NCAPD2: variants seen among roughly 807,000 people sequenced by gnomAD.
The protein encoded by NCAPD2 is non-SMC condensin I complex subunit D2.
A neutral mutation model predicts 164.5 loss-of-function variants in NCAPD2; 100 were observed. The observed-to-expected ratio is 0.61, with a 90% CI of 0.52 to 0.72. NCAPD2 has a LOEUF of 0.72. Ranked by LOEUF, NCAPD2 falls within the 30% of genes least tolerant of loss-of-function variation. NCAPD2 has a pLI of 0.00. For missense variants in NCAPD2, 1,560 were observed against 1,749.2 expected (o/e 0.89, Z 1.93); for synonymous variants, 585 against 642.6 (o/e 0.91, Z 1.36).
rs767039406 is a variant in NCAPD2, at chr12:6,530,832, C to T, written c.3964+15C>T. On this transcript the variant is annotated intron_variant, in intron 30 of 31. Coordinates refer to ENST00000315579, the MANE Select transcript of NCAPD2 (RefSeq NM_014865.4). The stretch of plus-strand genomic sequence containing the variant: ...ACCATCCACTGGTACGTAAGGCAGC[C>T]TGTGCGGGCGAGACCAGACTGGGCC... 6.2e-7 allele frequency: 1 copy of T among 1,614,172 alleles called. No homozygotes were observed.
chr12:6,514,820 G>A lies in NCAPD2; in HGVS notation c.887G>A (p.Gly296Glu). ...CAAGAGCTGAGTCGAGACCCTTCAG[G>A]GACAAAGGGCTTTGCAGCATTCCTG... ...CPQELSRDPS[G>E]TKGFAAFLTE... Residue 296 changes from glycine (G) to glutamate (E), a missense_variant, in exon 9 of 32, where the codon GGG (glycine) becomes GAG (glutamate). Transcript: ENST00000315579. 1.2e-6 allele frequency: 2 copies of A among 1,614,186 alleles called. No homozygotes were observed. The highest frequency in any genetic ancestry group is 1.7e-6 in the Non-Finnish European group (2 of 1,180,028).
At chr12:6,513,715 C>CTTTTTTTTTTTTGTT (rs1946172327) in intron 6 of NCAPD2, among the ~76,000 whole-genome samples, 1 of 74,894 alleles carries the variant, frequency 1.3e-5, no homozygotes, top group Non-Finnish European at 2.5e-5. Context: ...GTGACTTTGT[C>CTTTTTTTTTTTTGTT]TTTTTTTTTT....
rs112784312 is a variant in NCAPD2, at chr12:6,528,072, G to A, written c.3124G>A (p.Gly1042Ser). 1.9e-6 allele frequency: 3 copies of A among 1,614,192 alleles called. No homozygotes were observed. The highest frequency in any genetic ancestry group is 1.6e-4 in the Middle Eastern group (1 of 6,062). ...DLSAAASLAL[G>S]KFCMISATFC... ...CTCTGCAGCTGCTTCACTTGCCCTTGGCAAGTTCTGCATGATCAGGTAGGC... is the reference window on the plus strand; with the variant it reads ...CTCTGCAGCTGCTTCACTTGCCCTTAGCAAGTTCTGCATGATCAGGTAGGC... Residue 1042 changes from glycine to serine, a missense_variant, in exon 24 of 32, where the codon GGC becomes AGC. By Grantham distance (56) the Gly-to-Ser change is moderately conservative. Coordinates refer to ENST00000315579, the MANE Select transcript of NCAPD2 (RefSeq NM_014865.4). This position sits in a 1 kb window ranked among gnomAD's most constrained non-coding sequence, Gnocchi z 5.1.
intron 2 of NCAPD2, among the ~76,000 whole-genome samples, chr12:6,498,841 G>C (rs891563169): frequency 6.6e-6 from 1 of 151,852 alleles, no homozygotes; most frequent in Admixed American, 6.6e-5. Context: ...TCCTGACCTT[G>C]GATCTGCCCA....
intron 2 of NCAPD2, among the ~76,000 whole-genome samples, chr12:6,499,171 C>T (rs184356021): frequency 6.6e-6 from 1 of 152,058 alleles, no homozygotes; most frequent in Non-Finnish European, 1.5e-5. Context: ...ACACAACCTA[C>T]AATTTATGAA....
chr12:6,514,129 T>C, intron 6 of NCAPD2, 136 bp from the exon 7 acceptor site: 1 of 1,231,938 alleles, frequency 8.1e-7, no homozygotes, highest in Non-Finnish European at 1.1e-6. Flanking sequence ...GCAAAGCAAC[T>C]TGTTATAGAA....
At chr12:6,498,145 G>A (rs950163481) in intron 2 of NCAPD2, among the ~76,000 whole-genome samples, 1 of 151,550 alleles carries the variant, frequency 6.6e-6, no homozygotes, top group Non-Finnish European at 1.5e-5. Context: ...CCGAGCTCAA[G>A]CGATCTGCCC....
At position 6,531,257 on chromosome 12, in the gene NCAPD2, TTC is replaced by T; in HGVS notation, c.4121-66_4121-65del. 6.5e-7 allele frequency: 1 copy of T among 1,529,776 alleles called. No individual in the cohort carries two copies. Among genetic ancestry groups the T allele is most frequent in the Admixed American group, 1.8e-5 (1 of 56,420 alleles). 94.8% of individuals were successfully genotyped at this position (1,529,776 alleles called of 1,614,324 possible). A position where few individuals can be genotyped will look rare whatever the true frequency, so the allele number is the denominator to read the frequency against. ...GTGCGGTGTGGGATTGTCTCACTTGTTCTCTGATATCTATTTTTTCACCATCT... is the reference window on the plus strand; with the variant it reads ...GTGCGGTGTGGGATTGTCTCACTTGTTCTGATATCTATTTTTTCACCATCT... On this transcript the variant is annotated intron_variant, in intron 31 of 31. Coordinates refer to ENST00000315579, the MANE Select transcript of NCAPD2 (RefSeq NM_014865.4). The surrounding 1 kb of genome is among the most constrained non-coding windows in gnomAD (Gnocchi z 4.1).
intron 2 of NCAPD2, among the ~76,000 whole-genome samples, chr12:6,497,918 C>CT (rs71067120): frequency 0.34 from 48,173 of 139,786 alleles, 8,428 homozygotes; most frequent in African/African-American, 0.46. Flanking sequence ...CGCCCAGCCA[C>CT]TTTTTTTTTT....
intron 8 of NCAPD2, 71 bp downstream of exon 8, chr12:6,514,658 C>G: frequency 3.1e-6 from 5 of 1,610,932 alleles, no homozygotes; most frequent in Non-Finnish European, 4.2e-6. Context: ...ATTGGAAATA[C>G]ATTATCTGTG....
intron 2 of NCAPD2, 33 bp from the exon 3 acceptor site, chr12:6,509,680 TTCCC>T (rs762469225): frequency 1.8e-4 from 285 of 1,593,022 alleles, no homozygotes; most frequent in Non-Finnish European, 2.3e-4. Flanking sequence ...AAGGTTTCTC[TTCCC>T]TCCAAATTGA....
intron 29 of NCAPD2, 93 bp from the exon 30 acceptor site, chr12:6,530,598 G>A (rs1191823041): frequency 3.0e-5 from 46 of 1,532,916 alleles, no homozygotes; most frequent in Non-Finnish European, 4.1e-5. Context: ...AGTAATGTGC[G>A]TTTAAGGCCT....
intron 10 of NCAPD2, 97 bp downstream of exon 10, chr12:6,517,122 G>T: frequency 7.1e-7 from 1 of 1,414,132 alleles, no homozygotes; most frequent in Non-Finnish European, 9.8e-7. Flanking sequence ...CCCCAAAGAG[G>T]TCTAGAATTC....
Position 6,530,917 on chromosome 12 carries a change from C to A in NCAPD2, c.3965-4C>A, listed in dbSNP as rs768029659. 2.5e-6 allele frequency: 4 copies of A among 1,613,008 alleles called. No homozygotes were observed. Among genetic ancestry groups the A allele is most frequent in the South Asian group, 2.2e-5 (2 of 90,988 alleles). ...TTTAAATCACGTTTTCCTGCCTTTT[C>A]TAGGTTCTAGGTACCAGCCTCTGGC... is the stretch of plus-strand genomic sequence containing the variant. On this transcript the variant is annotated splice_polypyrimidine_tract_variant and splice_region_variant and intron_variant, in intron 30 of 31. Transcript: ENST00000315579.
rs1421764525 is a variant in NCAPD2 at position 6,521,042 on chromosome 12, T to C, written c.1646T>C (p.Phe549Ser). The C allele has an allele frequency of 6.2e-7, 1 of 1,614,200 alleles. No homozygotes were observed. Among genetic ancestry groups the C allele is most frequent in the Non-Finnish European group, 8.5e-7 (1 of 1,180,008 alleles). The part of the protein sequence containing the change: ...ATGHFQESEP[F>S]SHIDPEESEE... ...GGCCACTTCCAGGAGTCCGAACCCT[T>C]CAGTCATATAGACCCAGAGGAGTCA... Residue 549 changes from phenylalanine (F) to serine (S), a missense_variant, in exon 14 of 32, where the codon TTC becomes TCC. By Grantham distance (155) the Phe-to-Ser change is radical. Transcript: ENST00000315579.
In NCAPD2 at chr12:6,518,389, T is replaced by C. The variant is rs1946223927; in HGVS notation, c.1589+430T>C. 2.0e-5 allele frequency among the ~76,000 whole-genome samples: 3 copies of C among 151,938 alleles called. No individual in the cohort carries two copies. The South Asian group carries it at 6.2e-4, about 31-fold the overall frequency. On this transcript the variant is annotated intron_variant, in intron 13 of 31. Transcript: ENST00000315579. Reference sequence around the variant, plus strand: ...ATGAACTAATAATATCAAACATGCTTAATACTACCTTAATCTTCAAACCTA... The same window carrying C: ...ATGAACTAATAATATCAAACATGCTCAATACTACCTTAATCTTCAAACCTA...
intron 2 of NCAPD2, among the ~76,000 whole-genome samples, chr12:6,505,943 T>C (rs1458518122): frequency 6.6e-6 from 1 of 152,010 alleles, no homozygotes; most frequent in Non-Finnish European, 1.5e-5. Context: ...ATGTACTGTC[T>C]GTGTTTGTGT....
chr12:6,503,253 A>G (rs993325070), intron 2 of NCAPD2, among the ~76,000 whole-genome samples: 2 of 56,222 alleles, frequency 3.6e-5, no homozygotes, highest in Non-Finnish European at 6.6e-5. Flanking sequence ...AATACGATGT[A>G]TAGAAAATGG....
At position 6,511,090 on chromosome 12, in the gene NCAPD2, G is replaced by A. The variant is rs1565541648; in HGVS notation, c.445-20G>A. The A allele has an allele frequency of 1.2e-6, 2 of 1,611,898 alleles. No homozygotes were observed. Among genetic ancestry groups the A allele is most frequent in the South Asian group, 1.1e-5 (1 of 90,698 alleles). ...TTTTTTCCCTTATTTTTTCCTCAAT[G>A]TATACATGATCCTTTTTAGGGTAAG... On this transcript the variant is annotated intron_variant, in intron 5 of 31. Transcript: ENST00000315579.
Sources: allele counts gnomAD v4.1 joint callset (sites outside exome capture counted in the v4.1 genomes callset), GRCh38; gene constraint gnomAD v4.1.1; non-coding constraint Gnocchi (gnomAD v3.1); transcripts MANE v1.5; gene names NCBI Gene and HGNC (gene_info 2026-07-23, HGNC 2026-07-21).